Variants in SMAP1 observed in about 807,000 individuals in gnomAD.
SMAP1 encodes small ArfGAP 1.
In SMAP1, 24 loss-of-function variants were observed where a neutral mutation model predicts 58.5. That is an observed-to-expected ratio of 0.41 (90% CI 0.30 to 0.58). The LOEUF (loss-of-function observed/expected upper bound fraction) is 0.58, where lower values mean the gene tolerates loss of function less well. Ranked by LOEUF, SMAP1 falls within the 20% of genes least tolerant of loss-of-function variation. The pLI, the probability that SMAP1 is intolerant of heterozygous loss-of-function variation, is 0.29. For missense variants in SMAP1, 563 were observed against 566.3 expected (o/e 0.99, Z 0.06); for synonymous variants, 216 against 196.6 (o/e 1.10, Z -0.82).
In SMAP1 at chr6:70,856,916, GATTT is replaced by G; in HGVS notation, c.851_854del (p.Leu284SerfsTer72). The G allele has an allele frequency of 3.7e-6, 6 of 1,613,906 alleles. No individual in the cohort carries two copies. Among genetic ancestry groups the G allele is most frequent in the Non-Finnish European group, 5.1e-6 (6 of 1,179,830 alleles). ...GTCTACAGTAACATCTGGGGATCTA[GATTT>G]ATTCACTGAGCAAACTACAAAATCA... is the stretch of plus-strand genomic sequence containing the variant. On this transcript the variant is annotated frameshift_variant, in exon 9 of 11. Coordinates refer to ENST00000370455, the MANE Select transcript of SMAP1 (RefSeq NM_001044305.3). LOFTEE classifies it high-confidence loss of function.
chr6:70,834,478 A>G (rs1770489293), intron 6 of SMAP1, among the ~76,000 whole-genome samples: 1 of 152,102 alleles, frequency 6.6e-6, no homozygotes, highest in African/African-American at 2.4e-5. Flanking sequence ...AATTTGCGGA[A>G]TGAAAGTGTT....
At chr6:70,764,929 A>G (rs1246211324) in intron 3 of SMAP1, among the ~76,000 whole-genome samples, 2 of 152,002 alleles carry the variant, frequency 1.3e-5, no homozygotes, top group Non-Finnish European at 2.9e-5. Context: ...CGTCCTGAGT[A>G]TTTGGGACTA....
intron 3 of SMAP1, among the ~76,000 whole-genome samples, chr6:70,757,867 A>G (rs1766568295): frequency 6.6e-6 from 1 of 151,804 alleles, no homozygotes; most frequent in Non-Finnish European, 1.5e-5. Context: ...AAGTCAGGAA[A>G]CAACAGGTGC....
chr6:70,766,457 A>G (rs1449868760), intron 3 of SMAP1, among the ~76,000 whole-genome samples: 4 of 152,136 alleles, frequency 2.6e-5, no homozygotes, highest in Non-Finnish European at 5.9e-5. Flanking sequence ...GTGAGATGGT[A>G]TCTCATTGTG....
intron 7 of SMAP1, 78 bp downstream of exon 7, chr6:70,837,106 T>TA: frequency 9.5e-7 from 1 of 1,048,096 alleles, no homozygotes; most frequent in Non-Finnish European, 1.3e-6. Context: ...TATAATGGCT[T>TA]TATCTTGAGT....
At chr6:70,690,702 A>ATT (rs1412808386) in intron 1 of SMAP1, among the ~76,000 whole-genome samples, 1 of 141,402 alleles carries the variant, frequency 7.1e-6, no homozygotes, top group Non-Finnish European at 1.6e-5. Flanking sequence ...ATATATATAT[A>ATT]TATATATTTT....
At chr6:70,768,866 C>T (rs542089290) in intron 3 of SMAP1, among the ~76,000 whole-genome samples, 149 of 152,040 alleles carry the variant, frequency 9.8e-4, no homozygotes, top group African/African-American at 3.4e-3. Context: ...TGGATCTTTC[C>T]TGCTTTCTCT....
chr6:70,792,811 G>C lies in SMAP1; in HGVS notation c.495+1042G>C, dbSNP rs543623990. Among the ~76,000 whole-genome samples, 818 of 152,040 alleles carry C rather than the reference G, an allele frequency of 5.4e-3. 4 individuals are homozygous for C. The highest frequency in any genetic ancestry group is 7.5e-3 in the Non-Finnish European group (511 of 67,992). ...TGAAGGAGTTTGATTCTGAAGGCTC[G>C]GGCACTTGAGTGATGAGTTTTAAGC... On this transcript the variant is annotated intron_variant, in intron 5 of 10. Transcript: ENST00000370455.
intron 1 of SMAP1, among the ~76,000 whole-genome samples, chr6:70,714,692 C>CT (rs1362788333): frequency 9.9e-5 from 15 of 151,664 alleles, no homozygotes; most frequent in Admixed American, 9.2e-4. Flanking sequence ...AAGTTTTGTA[C>CT]TTTTTTTGGT....
intron 6 of SMAP1, among the ~76,000 whole-genome samples, chr6:70,822,402 C>A (rs1207658395): frequency 7.1e-6 from 1 of 140,890 alleles, no homozygotes; most frequent in Non-Finnish European, 1.6e-5. Flanking sequence ...GCAATTTATT[C>A]ATGGTCACAC....
At position 70,728,916 on chromosome 6, in the gene SMAP1, CT is replaced by C. The variant is rs550939669; in HGVS notation, c.119-3458del. ...GCCTAATCTCTGAGGTTACCTAATA[CT>C]TTTCAGCCTCAGTTACCACATCCAG... is the stretch of plus-strand genomic sequence containing the variant. On this transcript the variant is annotated intron_variant, in intron 1 of 10. Coordinates refer to ENST00000370455, the MANE Select transcript of SMAP1 (RefSeq NM_001044305.3). Among the ~76,000 whole-genome samples the C allele has an allele frequency of 4.1e-4, 63 of 152,320 alleles. 1 individual carries two copies. In the South Asian group the frequency reaches 0.012, roughly 28 times the overall value.
rs907906675 is a variant in SMAP1 at position 70,785,003 on chromosome 6, T to A, written c.415-6686T>A. Among the ~76,000 whole-genome samples, 3 of 151,994 alleles carry A rather than the reference T, an allele frequency of 2.0e-5. No homozygotes were observed. In the East Asian group the frequency reaches 5.8e-4, roughly 29 times the overall value. ...ACCCCAGATCAACAGAATATACATTTTTTTCAGCACCACACCACACCTATT... is the reference window on the plus strand; with the variant it reads ...ACCCCAGATCAACAGAATATACATTATTTTCAGCACCACACCACACCTATT... On this transcript the variant is annotated intron_variant, in intron 4 of 10. Coordinates refer to ENST00000370455, the MANE Select transcript of SMAP1 (RefSeq NM_001044305.3).
chr6:70,756,053 A>G (rs1766476639), intron 3 of SMAP1, among the ~76,000 whole-genome samples: 1 of 151,978 alleles, frequency 6.6e-6, no homozygotes, highest in South Asian at 2.1e-4. Flanking sequence ...ACATTTTAAT[A>G]TGTTTTTTAT....
chr6:70,785,378 T>C (rs528258409), intron 4 of SMAP1, among the ~76,000 whole-genome samples: 35 of 151,722 alleles, frequency 2.3e-4, no homozygotes, highest in African/African-American at 8.0e-4. Flanking sequence ...ACTCCTAATA[T>C]CACAATTAAA....
intron 5 of SMAP1, among the ~76,000 whole-genome samples, chr6:70,796,273 T>C (rs1768604190): frequency 6.6e-6 from 1 of 152,166 alleles, no homozygotes; most frequent in Non-Finnish European, 1.5e-5. Context: ...TAAGGAATAA[T>C]AACAGCAATA....
intron 1 of SMAP1, among the ~76,000 whole-genome samples, chr6:70,718,699 T>A (rs1855437): frequency 0.24 from 36,704 of 151,306 alleles, 5,513 homozygotes; most frequent in Non-Finnish European, 0.33. Context: ...CGGGCACCTG[T>A]AATCCCAGCT....
chr6:70,682,973 G>A (rs1304418896), intron 1 of SMAP1, among the ~76,000 whole-genome samples: 1 of 152,002 alleles, frequency 6.6e-6, no homozygotes, highest in Non-Finnish European at 1.5e-5. Context: ...GGGAGGTGGA[G>A]GTTGCAGTGA....
chr6:70,827,846 A>T (rs1375292297), intron 6 of SMAP1, among the ~76,000 whole-genome samples: 1 of 152,226 alleles, frequency 6.6e-6, no homozygotes, highest in African/African-American at 2.4e-5. Flanking sequence ...TGATTGGGGA[A>T]ATAAAATGTA....
intron 3 of SMAP1, among the ~76,000 whole-genome samples, chr6:70,771,533 G>A (rs529945384): frequency 2.6e-4 from 39 of 152,302 alleles, no homozygotes; most frequent in African/African-American, 8.4e-4. Flanking sequence ...GCAAGACTCC[G>A]GGGGCGTAGG....
Sources: allele counts gnomAD v4.1 joint callset (sites outside exome capture counted in the v4.1 genomes callset), GRCh38; gene constraint gnomAD v4.1.1; transcripts MANE v1.5; gene names NCBI Gene and HGNC (gene_info 2026-07-23, HGNC 2026-07-21).